ADAM12: variants seen among roughly 807,000 people sequenced by gnomAD.
The protein encoded by ADAM12 is ADAM metallopeptidase domain 12.
ADAM12 carries 70 observed loss-of-function variants against 106.4 expected under a neutral mutation model. The observed-to-expected ratio is 0.66, with a 90% CI of 0.54 to 0.80. ADAM12 has a LOEUF of 0.80. ADAM12 is among the 30% of genes least tolerant of loss of function. The pLI, the probability that ADAM12 is intolerant of heterozygous loss-of-function variation, is 0.00. For synonymous variants in ADAM12, 420 were observed against 433.5 expected, an observed-to-expected ratio of 0.97 and a Z score of 0.39; for missense variants, 1,010 against 1,171.9, an observed-to-expected ratio of 0.86 and a Z score of 2.02.
intron 1 of ADAM12, among the ~76,000 whole-genome samples, chr10:126,382,444 G>A (rs370050521): frequency 5.7e-4 from 87 of 152,320 alleles, no homozygotes; most frequent in African/African-American, 2.0e-3. Context: ...CATACTTAAC[G>A]GCAACACTAT....
At chr10:126,152,713 C>T (rs1621212) in intron 4 of ADAM12, among the ~76,000 whole-genome samples, 66,904 of 151,794 alleles carry the variant, frequency 0.44, 15,341 homozygotes, top group East Asian at 0.77. Flanking sequence ...CTAAGCAGAT[C>T]ATGTTTTCAT....
At chr10:126,261,128 T>G (rs1165793997) in intron 3 of ADAM12, among the ~76,000 whole-genome samples, 1 of 152,228 alleles carries the variant, frequency 6.6e-6, no homozygotes, top group Admixed American at 6.5e-5. Context: ...ATGCAAATAC[T>G]ATGCCATTTT....
intron 11 of ADAM12, among the ~76,000 whole-genome samples, chr10:126,088,807 T>C (rs1429438437): frequency 2.0e-5 from 3 of 151,930 alleles, no homozygotes; most frequent in African/African-American, 7.3e-5. Flanking sequence ...TCCAGGCAGG[T>C]GTGCCATGAA....
chr10:126,218,261 G>A lies in ADAM12; in HGVS notation c.260+60654C>T, dbSNP rs950110708. ...AGGGACACTATAATACACGTGCCCCGACAACAGGCGTAACTTGGGCCATCA... is the reference window on the plus strand; with the variant it reads ...AGGGACACTATAATACACGTGCCCCAACAACAGGCGTAACTTGGGCCATCA... On this transcript the variant is annotated intron_variant, in intron 3 of 22. Coordinates refer to ENST00000448723, the MANE Select transcript of ADAM12 (RefSeq NM_001288973.2). Among the ~76,000 whole-genome samples the A allele has an allele frequency of 5.3e-5, 8 of 152,092 alleles. 1 individual carries two copies. The highest frequency in any genetic ancestry group is 1.0e-4 in the Non-Finnish European group (7 of 68,028).
At chr10:126,380,655 A>G (rs1250931145) in intron 1 of ADAM12, among the ~76,000 whole-genome samples, 1 of 152,240 alleles carries the variant, frequency 6.6e-6, no homozygotes, top group Non-Finnish European at 1.5e-5. Flanking sequence ...TTAAAAAAAT[A>G]CTAACCAAAC....
At chr10:126,238,592 G>A (rs1239652517) in intron 3 of ADAM12, among the ~76,000 whole-genome samples, 3 of 152,260 alleles carry the variant, frequency 2.0e-5, no homozygotes, top group African/African-American at 4.8e-5. Context: ...ACTGCATGTT[G>A]CGTACTTTCA....
intron 3 of ADAM12, among the ~76,000 whole-genome samples, chr10:126,256,308 T>C (rs993102087): frequency 6.6e-6 from 1 of 152,176 alleles, no homozygotes; most frequent in African/African-American, 2.4e-5. Context: ...AGAAGGCCAA[T>C]GTATTAGGAA....
At chr10:126,027,142 C>G (rs1315270272) in intron 21 of ADAM12, among the ~76,000 whole-genome samples, 1 of 152,150 alleles carries the variant, frequency 6.6e-6, no homozygotes, top group Non-Finnish European at 1.5e-5. Flanking sequence ...ACTAGAAAAT[C>G]TAGAGCACAT....
At chr10:126,160,226 C>T (rs1236936926) in intron 3 of ADAM12, among the ~76,000 whole-genome samples, 2 of 152,110 alleles carry the variant, frequency 1.3e-5, no homozygotes, top group Non-Finnish European at 2.9e-5. Flanking sequence ...ATGTTACGTG[C>T]GCTCACCACA....
intron 5 of ADAM12, among the ~76,000 whole-genome samples, chr10:126,129,444 C>T (rs574522016): frequency 1.4e-4 from 22 of 152,278 alleles, no homozygotes; most frequent in African/African-American, 5.3e-4. Flanking sequence ...TACAGTGGGT[C>T]GGTTCCTCTG....
At chr10:126,244,305 G>T (rs1407232461) in intron 3 of ADAM12, among the ~76,000 whole-genome samples, 1 of 152,200 alleles carries the variant, frequency 6.6e-6, no homozygotes, top group African/African-American at 2.4e-5. Context: ...GAGGGTTCAT[G>T]CTTGGGTCCG....
At chr10:126,144,491 A>G (rs916551623) in intron 4 of ADAM12, among the ~76,000 whole-genome samples, 2 of 152,160 alleles carry the variant, frequency 1.3e-5, no homozygotes, top group Admixed American at 6.6e-5. Context: ...TGAACGAATG[A>G]ATGAATGGAT....
chr10:126,166,364 C>G (rs1478158018), intron 3 of ADAM12, among the ~76,000 whole-genome samples: 2 of 152,158 alleles, frequency 1.3e-5, no homozygotes, highest in Non-Finnish European at 2.9e-5. Flanking sequence ...TGGGTTTCCA[C>G]CTTTGCAGCT....
At chr10:126,302,826 G>T (rs1960682117) in intron 2 of ADAM12, among the ~76,000 whole-genome samples, 1 of 152,218 alleles carries the variant, frequency 6.6e-6, no homozygotes, top group South Asian at 2.1e-4. Context: ...AATGATAAAT[G>T]CCCTGTGTGT....
rs1461490980 is a variant in ADAM12 at position 126,317,322 on chromosome 10, T to C, written c.186+13090A>G. Among the ~76,000 whole-genome samples, 3 of 152,206 alleles carry C rather than the reference T, an allele frequency of 2.0e-5. No individual in the cohort carries two copies. The East Asian group carries it at 5.8e-4, about 29-fold the overall frequency. ...CCACAACCCTGGATCTCAGTAGCTC[T>C]GTGCTCTCACCAACTCTGTTTTGGG... On this transcript the variant is annotated intron_variant, in intron 2 of 22. Transcript: ENST00000448723.
chr10:126,017,785 C>T (rs2133369819), intron 22 of ADAM12, among the ~76,000 whole-genome samples: 1 of 152,320 alleles, frequency 6.6e-6, no homozygotes, highest in East Asian at 1.9e-4. Context: ...CATCCCACAG[C>T]ACAGCTCCAG....
In ADAM12 at chr10:126,174,008, A is replaced by ATTT. The variant is rs200354475; in HGVS notation, c.261-18706_261-18704dup. ...TTTTATCCAGATTCATCTGTTGTTG[A>ATTT]TTTTTTTTTTTTTTTTTTTTTTTTT... On this transcript the variant is annotated intron_variant, in intron 3 of 22. Transcript: ENST00000448723. Among the ~76,000 whole-genome samples the ATTT allele has an allele frequency of 1.4e-3, 123 of 90,460 alleles. 25 individuals carry two copies. The highest frequency in any genetic ancestry group is 5.6e-3 in the African/African-American group (104 of 18,680). 59.3% of individuals were successfully genotyped at this position (90,460 alleles called of 152,430 possible). A position where few individuals can be genotyped will look rare whatever the true frequency, so the allele number is the denominator to read the frequency against.
intron 3 of ADAM12, among the ~76,000 whole-genome samples, chr10:126,246,525 G>A (rs767635869): frequency 6.6e-6 from 1 of 152,158 alleles, no homozygotes; most frequent in African/African-American, 2.4e-5. Flanking sequence ...ACATTGAAAA[G>A]CTTATCCACC....
chr10:126,181,396 T>C (rs780775376), intron 3 of ADAM12, among the ~76,000 whole-genome samples: 38 of 152,172 alleles, frequency 2.5e-4, no homozygotes, highest in Admixed American at 5.2e-4. Context: ...GATCATAGCT[T>C]TATGAATGCC....
Sources: gnomAD v4.1 joint callset for allele counts (sites outside exome capture counted in the v4.1 genomes callset) on GRCh38, gnomAD v4.1.1 for gene constraint, MANE v1.5 for transcripts, NCBI Gene and HGNC (gene_info 2026-07-23, HGNC 2026-07-21) for gene names.